Variants in MARCHF1 observed in about 807,000 individuals in gnomAD.
MARCHF1 encodes the protein E3 ubiquitin-protein ligase MARCHF1.
A neutral mutation model predicts 54.2 loss-of-function variants in MARCHF1; 40 were observed. The ratio of observed to expected loss-of-function variants is 0.74; its 90% CI spans 0.57 to 0.96. The LOEUF (loss-of-function observed/expected upper bound fraction) is 0.96. Ranked by LOEUF, MARCHF1 falls within the 40% of genes least tolerant of loss-of-function variation. The pLI is 0.00. For missense variants in MARCHF1, 586 were observed against 656.5 expected, an observed-to-expected ratio of 0.89 and a Z score of 1.17; for synonymous variants, 236 against 236.3, an observed-to-expected ratio of 1.00 and a Z score of 0.01.
chr4:164,356,380 T>G (rs1184092349), intron 1 of MARCHF1, among the ~76,000 whole-genome samples: 1,433 of 140,096 alleles, frequency 0.01, 29 homozygotes, highest in African/African-American at 0.036. Context: ...TGTCCAACAA[T>G]GATAGACTGG....
rs966345796 is a variant in MARCHF1 at position 164,190,250 on chromosome 4, T to C, written c.-322-78588A>G. 51 of 1,185,114 alleles carry C rather than the reference T, an allele frequency of 4.3e-5. No individual in the cohort carries two copies. In the African/African-American group the frequency reaches 7.3e-4, roughly 17 times the overall value. The allele number at this position is 1,185,114 out of a possible 1,614,324, so 73.4% of individuals were successfully genotyped here. A position where few individuals can be genotyped will look rare whatever the true frequency, so the allele number is the denominator to read the frequency against. ...CTAACAAGAAGGAACTGGAAGAAAT[T>C]GTTCAGCCACTTATCAGCAAACTCT... On this transcript the variant is annotated intron_variant, in intron 1 of 9. Coordinates refer to ENST00000514618, the MANE Select transcript of MARCHF1 (RefSeq NM_001394959.1).
At chr4:164,218,453 G>A (rs1339238321) in intron 1 of MARCHF1, among the ~76,000 whole-genome samples, 1 of 151,874 alleles carries the variant, frequency 6.6e-6, no homozygotes, top group African/African-American at 2.4e-5. Context: ...AGGAAATGAA[G>A]CAATGAGCCA....
intron 2 of MARCHF1, among the ~76,000 whole-genome samples, chr4:164,012,468 G>A (rs1002142888): frequency 6.6e-6 from 1 of 152,144 alleles, no homozygotes; most frequent in Non-Finnish European, 1.5e-5. Context: ...GCCTTGATAA[G>A]AAGGACCCAG....
At chr4:164,042,259 A>G (rs372943318) in intron 2 of MARCHF1, among the ~76,000 whole-genome samples, 1 of 152,118 alleles carries the variant, frequency 6.6e-6, no homozygotes. Context: ...CTGTTCTTAC[A>G]CTGGTATAAA....
At chr4:164,158,248 A>G (rs958091228) in intron 1 of MARCHF1, among the ~76,000 whole-genome samples, 4 of 152,232 alleles carry the variant, frequency 2.6e-5, no homozygotes, top group South Asian at 4.1e-4. Context: ...GCCAAGAACT[A>G]TAAGTACAAT....
intron 9 of MARCHF1, among the ~76,000 whole-genome samples, chr4:163,535,753 C>CTTTTTT (rs34118311): frequency 1.4e-5 from 2 of 144,158 alleles, no homozygotes; most frequent in Non-Finnish European, 1.5e-5. Flanking sequence ...TATAGAAGGG[C>CTTTTTT]TTTTTTTTTT....
intron 4 of MARCHF1, among the ~76,000 whole-genome samples, chr4:163,722,852 C>A (rs1277537452): frequency 6.6e-6 from 1 of 152,136 alleles, no homozygotes; most frequent in Non-Finnish European, 1.5e-5. Context: ...GCAACCCCTG[C>A]CTTTTTTTGT....
At chr4:163,906,438 G>A (rs1022223035) in intron 3 of MARCHF1, among the ~76,000 whole-genome samples, 1 of 151,928 alleles carries the variant, frequency 6.6e-6, no homozygotes, top group African/African-American at 2.4e-5. Flanking sequence ...TAGAAAGCTT[G>A]TTAGATATCT....
intron 1 of MARCHF1, among the ~76,000 whole-genome samples, chr4:164,266,805 T>C (rs1733622503): frequency 1.3e-5 from 2 of 152,178 alleles, no homozygotes; most frequent in African/African-American, 4.8e-5. Flanking sequence ...AACAAAATGA[T>C]ATAGACAAAG....
chr4:164,263,133 C>T (rs1213888444), intron 1 of MARCHF1, among the ~76,000 whole-genome samples: 3 of 149,848 alleles, frequency 2.0e-5, no homozygotes, highest in East Asian at 2.1e-4. Flanking sequence ...CATGTGTGTA[C>T]GCGTGCGTGT....
At chr4:163,849,836 C>T (rs1271571252) in intron 4 of MARCHF1, among the ~76,000 whole-genome samples, 3 of 152,240 alleles carry the variant, frequency 2.0e-5, no homozygotes, top group African/African-American at 7.2e-5. Context: ...AAACCTTTAT[C>T]ATGTTAAGTC....
chr4:164,306,876 T>C (rs568676836), intron 1 of MARCHF1, among the ~76,000 whole-genome samples: 4 of 152,296 alleles, frequency 2.6e-5, no homozygotes, highest in African/African-American at 9.6e-5. Flanking sequence ...AAACTAATCA[T>C]CATCAATGAC....
intron 1 of MARCHF1, among the ~76,000 whole-genome samples, chr4:164,158,367 T>TGTG (rs1319228193): frequency 2.0e-5 from 3 of 152,042 alleles, no homozygotes; most frequent in Non-Finnish European, 2.9e-5. Flanking sequence ...AAAGGTCAGG[T>TGTG]GTGGTGGCTC....
intron 2 of MARCHF1, among the ~76,000 whole-genome samples, chr4:164,066,205 G>A (rs1038916281): frequency 6.6e-6 from 1 of 151,918 alleles, no homozygotes; most frequent in African/African-American, 2.4e-5. Flanking sequence ...ATTAAAAAGT[G>A]GACAAATGAT....
chr4:163,805,673 G>T (rs1748206150), intron 4 of MARCHF1, among the ~76,000 whole-genome samples: 1 of 152,162 alleles, frequency 6.6e-6, no homozygotes, highest in African/African-American at 2.4e-5. Context: ...TGTTGTAGAA[G>T]ACACAGATTT....
chr4:163,629,080 A>T (rs1044081776), intron 5 of MARCHF1, among the ~76,000 whole-genome samples: 1 of 151,906 alleles, frequency 6.6e-6, no homozygotes, highest in African/African-American at 2.4e-5. Context: ...CCAAAAAAGA[A>T]CCCATATAGA....
At chr4:164,113,790 T>C (rs1027129570) in intron 1 of MARCHF1, among the ~76,000 whole-genome samples, 2 of 152,006 alleles carry the variant, frequency 1.3e-5, no homozygotes, top group African/African-American at 4.8e-5. Flanking sequence ...TCATTGCATA[T>C]TATTTTGGAA....
chr4:163,867,699 A>C (rs1462638345), intron 3 of MARCHF1, among the ~76,000 whole-genome samples: 2 of 151,834 alleles, frequency 1.3e-5, no homozygotes, highest in Admixed American at 6.6e-5. Context: ...AAATTCCAAG[A>C]ATATTAATAT....
intron 5 of MARCHF1, among the ~76,000 whole-genome samples, chr4:163,645,332 T>C (rs1194389732): frequency 2.0e-5 from 3 of 152,106 alleles, no homozygotes; most frequent in Non-Finnish European, 2.9e-5. Flanking sequence ...ACCGCAGTCC[T>C]AGAGGCAATC....
Sources: allele counts gnomAD v4.1 joint callset (sites outside exome capture counted in the v4.1 genomes callset), GRCh38; gene constraint gnomAD v4.1.1; transcripts MANE v1.5; gene names NCBI Gene and HGNC (gene_info 2026-07-23, HGNC 2026-07-21).